LTBP1: variants seen among roughly 807,000 people sequenced by gnomAD.
The protein encoded by LTBP1 is latent transforming growth factor beta binding protein 1.
Under a neutral mutation model 207.6 loss-of-function variants are expected in LTBP1, and 129 were observed. The ratio of observed to expected loss-of-function variants is 0.62; its 90% CI spans 0.54 to 0.72. The LOEUF (loss-of-function observed/expected upper bound fraction) is 0.72, where lower values mean the gene tolerates loss of function less well. LTBP1 is among the 30% of genes least tolerant of loss of function. LTBP1 has a pLI of 0.00. For missense variants in LTBP1, 2,281 were observed against 2,217.2 expected (o/e 1.03, Z -0.58); for synonymous variants, 963 against 833.7 (o/e 1.16, Z -2.67).
chr2:33,215,711 C>CTTTTTTTTTTTTTTTTTTTTTT lies in LTBP1; in HGVS notation c.1702-1837_1702-1836insTTTTTTTTTTTTTTTTTTTTTT, dbSNP rs201936680. On this transcript the variant is annotated intron_variant, in intron 7 of 33. Coordinates refer to ENST00000404816, the MANE Select transcript of LTBP1 (RefSeq NM_206943.4). ...TGGATGCTAAACTTCCATTGGTTTT[C>CTTTTTTTTTTTTTTTTTTTTTT]TTTTGTTTTTTGTTTTTTTTTTTTG... 5.6e-5 allele frequency among the ~76,000 whole-genome samples: 7 copies of CTTTTTTTTTTTTTTTTTTTTTT among 125,998 alleles called. 1 individual carries two copies. The highest frequency in any genetic ancestry group is 3.0e-5 in the African/African-American group (1 of 33,144). 82.7% of individuals were successfully genotyped at this position (125,998 alleles called of 152,430 possible).
chr2:33,160,168 C>T (rs751919651), intron 5 of LTBP1, among the ~76,000 whole-genome samples: 34 of 152,108 alleles, frequency 2.2e-4, no homozygotes, highest in African/African-American at 7.0e-4. Flanking sequence ...TATGAGCCAC[C>T]GCGCCTGGCC....
At chr2:33,386,356 A>G (rs972292594) in intron 31 of LTBP1, among the ~76,000 whole-genome samples, 2 of 151,958 alleles carry the variant, frequency 1.3e-5, no homozygotes, top group Non-Finnish European at 1.5e-5. Context: ...AGCCCATCTC[A>G]TTTCTTTGGT....
At chr2:33,099,193 T>A (rs1158845317) in intron 3 of LTBP1, among the ~76,000 whole-genome samples, 1 of 152,232 alleles carries the variant, frequency 6.6e-6, no homozygotes, top group African/African-American at 2.4e-5. Context: ...AAAAGGGGAT[T>A]GGAACAGATG....
At chr2:33,236,820 T>C (rs2092074837) in intron 9 of LTBP1, among the ~76,000 whole-genome samples, 1 of 152,218 alleles carries the variant, frequency 6.6e-6, no homozygotes, top group African/African-American at 2.4e-5. Flanking sequence ...TGTGTGTTGC[T>C]AGCAGCGTCG....
chr2:33,202,738 C>G (rs2089454415), intron 7 of LTBP1, among the ~76,000 whole-genome samples: 1 of 152,242 alleles, frequency 6.6e-6, no homozygotes. Flanking sequence ...AATTGTGGCT[C>G]TCTCTTCCTC....
At chr2:33,374,961 AAAAG>A (rs939786273) in intron 31 of LTBP1, among the ~76,000 whole-genome samples, 1 of 152,194 alleles carries the variant, frequency 6.6e-6, no homozygotes, top group African/African-American at 2.4e-5. Context: ...CAAAAAAGAA[AAAAG>A]AAAGGACTCC....
intron 2 of LTBP1, among the ~76,000 whole-genome samples, chr2:32,969,333 A>G (rs1199194335): frequency 9.6e-6 from 1 of 104,630 alleles, no homozygotes; most frequent in Non-Finnish European, 2.4e-5. Context: ...TTATATAGGT[A>G]AATTGTGTGT....
rs1007676449 is a variant in LTBP1 at position 32,960,845 on chromosome 2, T to C, written c.565+11900T>C. Among the ~76,000 whole-genome samples, 8 of 152,088 alleles carry C rather than the reference T, an allele frequency of 5.3e-5. No individual in the cohort carries two copies. In the South Asian group the frequency reaches 1.7e-3, roughly 32 times the overall value. On this transcript the variant is annotated intron_variant, in intron 2 of 33. Transcript: ENST00000404816. Reference sequence around the variant, plus strand: ...ATAGGCCTGGCTTGTTGTGGGAACATAGGTCATTATCGTTGGGTTGTCAGT... The same window carrying C: ...ATAGGCCTGGCTTGTTGTGGGAACACAGGTCATTATCGTTGGGTTGTCAGT...
chr2:33,036,190 G>A (rs971095073), intron 3 of LTBP1, among the ~76,000 whole-genome samples: 2 of 152,108 alleles, frequency 1.3e-5, no homozygotes, highest in African/African-American at 4.8e-5. Flanking sequence ...GATAAAATAC[G>A]GCTTGTTGGG....
chr2:33,229,973 T>C (rs1173407222), intron 9 of LTBP1, among the ~76,000 whole-genome samples: 1 of 152,260 alleles, frequency 6.6e-6, no homozygotes, highest in Non-Finnish European at 1.5e-5. Context: ...AGTAAATCTA[T>C]TGAAATTACT....
intron 2 of LTBP1, among the ~76,000 whole-genome samples, chr2:32,953,750 T>G (rs1677584807): frequency 6.6e-6 from 1 of 152,190 alleles, no homozygotes; most frequent in Admixed American, 6.5e-5. Flanking sequence ...GAAAAGACCT[T>G]TGACAACCAC....
At chr2:32,959,086 G>A (rs1466331530) in intron 2 of LTBP1, among the ~76,000 whole-genome samples, 1 of 152,194 alleles carries the variant, frequency 6.6e-6, no homozygotes, top group African/African-American at 2.4e-5. Context: ...TGTTGGCATG[G>A]ACATAAGTAA....
chr2:32,962,332 T>C (rs1679254260), intron 2 of LTBP1, among the ~76,000 whole-genome samples: 1 of 152,238 alleles, frequency 6.6e-6, no homozygotes, highest in African/African-American at 2.4e-5. Context: ...GTTTCTTTTA[T>C]TTTGAGATAG....
intron 9 of LTBP1, among the ~76,000 whole-genome samples, chr2:33,240,724 C>A (rs2092286155): frequency 6.8e-6 from 1 of 146,896 alleles, no homozygotes; most frequent in Non-Finnish European, 1.5e-5. Context: ...GATCTCGGCT[C>A]ACTCCAAGCT....
chr2:32,971,274 G>A (rs1224842041), intron 2 of LTBP1, among the ~76,000 whole-genome samples: 1 of 152,034 alleles, frequency 6.6e-6, no homozygotes, highest in Non-Finnish European at 1.5e-5. Flanking sequence ...CCAATGGAAT[G>A]CCTTTTATTT....
intron 15 of LTBP1, among the ~76,000 whole-genome samples, chr2:33,267,782 A>C (rs528299179): frequency 1.3e-5 from 2 of 152,372 alleles, no homozygotes; most frequent in South Asian, 4.1e-4. Flanking sequence ...AGGTAAATGC[A>C]GTTTCAACAT....
At chr2:33,308,326 G>A (rs1214285294) in intron 22 of LTBP1, among the ~76,000 whole-genome samples, 3 of 152,114 alleles carry the variant, frequency 2.0e-5, no homozygotes, top group Non-Finnish European at 2.9e-5. Flanking sequence ...TTTTAGTTGC[G>A]CATTTGCTAT....
At chr2:33,214,764 G>A (rs574303713) in intron 7 of LTBP1, among the ~76,000 whole-genome samples, 1 of 152,108 alleles carries the variant, frequency 6.6e-6, no homozygotes, top group East Asian at 1.9e-4. Context: ...GTGTCTGCAG[G>A]AGTTACTGCC....
intron 19 of LTBP1, among the ~76,000 whole-genome samples, chr2:33,288,951 A>T (rs191125004): frequency 6.6e-6 from 1 of 152,224 alleles, no homozygotes; most frequent in African/African-American, 2.4e-5. Context: ...TGTAGAATGC[A>T]TGATTCAAAT....
Sources: gnomAD v4.1 joint callset for allele counts (sites outside exome capture counted in the v4.1 genomes callset) on GRCh38, gnomAD v4.1.1 for gene constraint, MANE v1.5 for transcripts, NCBI Gene and HGNC (gene_info 2026-07-23, HGNC 2026-07-21) for gene names.